Variants in CSMD2 observed in about 807,000 individuals in gnomAD.
CSMD2 encodes CUB and Sushi multiple domains 2.
A neutral mutation model predicts 398.5 loss-of-function variants in CSMD2; 130 were observed. That is an observed-to-expected ratio of 0.33 (90% CI 0.28 to 0.38). CSMD2 has a LOEUF of 0.38. Ranked by LOEUF, CSMD2 falls within the 10% of genes least tolerant of loss-of-function variation. CSMD2 has a pLI of 1.00. For synonymous variants in CSMD2, 1,828 were observed against 1,908.5 expected, an observed-to-expected ratio of 0.96 and a Z score of 1.10; for missense variants, 3,829 against 4,764.9, an observed-to-expected ratio of 0.80 and a Z score of 5.78.
chr1:33,562,035 A>G (rs1173467400), intron 53 of CSMD2, among the ~76,000 whole-genome samples: 1 of 152,206 alleles, frequency 6.6e-6, no homozygotes, highest in African/African-American at 2.4e-5. Flanking sequence ...ACCTATAGGA[A>G]ACTGAGGAGT....
intron 3 of CSMD2, among the ~76,000 whole-genome samples, chr1:33,958,469 T>C (rs764942393): frequency 6.6e-6 from 1 of 152,130 alleles, no homozygotes; most frequent in African/African-American, 2.4e-5. Flanking sequence ...GGTAAAGTTA[T>C]ATGGCAGAGG....
chr1:33,692,381 A>G (rs1371762309), intron 25 of CSMD2, among the ~76,000 whole-genome samples: 1 of 152,220 alleles, frequency 6.6e-6, no homozygotes, highest in East Asian at 1.9e-4. Flanking sequence ...CATTTTAAAG[A>G]TGAGGAAACA....
chr1:33,600,235 C>A (rs1309240565), intron 44 of CSMD2: 2 of 708,156 alleles, frequency 2.8e-6, no homozygotes, highest in Non-Finnish European at 5.2e-6. Context: ...AAAATATCTG[C>A]AGTGATCTGT....
At position 33,919,125 on chromosome 1, in the gene CSMD2, C is replaced by T. The variant is rs147125188; in HGVS notation, c.713-824G>A. ...CAGTCCAGGTGAGGCTGGATGAGAT[C>T]GAGCTAAGGTCGTGTGGAGGGTGGG... On this transcript the variant is annotated intron_variant, in intron 4 of 70. Transcript: ENST00000373381. 1.3e-4 allele frequency among the ~76,000 whole-genome samples: 20 copies of T among 152,270 alleles called. No homozygotes were observed. The East Asian group carries it at 2.1e-3, about 16-fold the overall frequency.
intron 3 of CSMD2, among the ~76,000 whole-genome samples, chr1:33,979,695 T>G (rs1389974399): frequency 7.2e-6 from 1 of 138,748 alleles, no homozygotes; most frequent in African/African-American, 2.5e-5. Context: ...TGTGTGTGTT[T>G]TATGTGTGTG....
chr1:34,113,627 G>A (rs1018615019), intron 1 of CSMD2, among the ~76,000 whole-genome samples: 1 of 152,168 alleles, frequency 6.6e-6, no homozygotes, highest in Non-Finnish European at 1.5e-5. Flanking sequence ...GGTGCCAGGG[G>A]CTTGGGAGTG....
At chr1:33,807,036 C>G (rs1337064809) in intron 10 of CSMD2, among the ~76,000 whole-genome samples, 1 of 152,152 alleles carries the variant, frequency 6.6e-6, no homozygotes, top group African/African-American at 2.4e-5. Flanking sequence ...AAAAAATATT[C>G]ACACCTAGAC....
intron 1 of CSMD2, among the ~76,000 whole-genome samples, chr1:34,101,172 T>C (rs969297967): frequency 1.3e-5 from 2 of 152,252 alleles, no homozygotes; most frequent in African/African-American, 4.8e-5. Context: ...ACTGATGTTC[T>C]GCCCTGTAGA....
Position 33,527,236 on chromosome 1 carries a change from G to A in CSMD2, c.10194C>T (p.Pro3398=). ...ICLEVRPSGR[P]INTAREPPLT... is the part of the protein sequence containing the mutation. ...GCGGTGGCTCCCGGGCAGTGTTGAT[G>A]GGTCTCCCACTGGGCCGGACCTCTG... The change falls in exon 65 of 71, where the codon CCC becomes CCT. Residue 3398 remains proline (P), a synonymous_variant. Coordinates refer to ENST00000373381, the MANE Select transcript of CSMD2 (RefSeq NM_001281956.2). The A allele has an allele frequency of 6.2e-7, 1 of 1,614,022 alleles. No individual in the cohort carries two copies. Among genetic ancestry groups the A allele is most frequent in the Non-Finnish European group, 8.5e-7 (1 of 1,179,934 alleles).
chr1:33,578,818 C>T (rs914985292), intron 48 of CSMD2, among the ~76,000 whole-genome samples: 10 of 152,238 alleles, frequency 6.6e-5, no homozygotes, highest in East Asian at 3.9e-4. Context: ...GTGAGGTCCC[C>T]GGCCTCTTTC....
At chr1:33,708,100 A>T (rs977462596) in intron 22 of CSMD2, among the ~76,000 whole-genome samples, 3 of 152,216 alleles carry the variant, frequency 2.0e-5, no homozygotes, top group Non-Finnish European at 2.9e-5. Flanking sequence ...ACCACACATT[A>T]TTGGAGGTAC....
At chr1:33,905,655 C>T (rs7513279) in intron 5 of CSMD2, among the ~76,000 whole-genome samples, 122,802 of 152,128 alleles carry the variant, frequency 0.81, 50,419 homozygotes, top group African/African-American at 0.95. Context: ...TTTTAGGTGG[C>T]AGATATTGGA....
intron 3 of CSMD2, among the ~76,000 whole-genome samples, chr1:34,014,467 T>C (rs1243787532): frequency 1.3e-5 from 2 of 152,266 alleles, no homozygotes; most frequent in African/African-American, 4.8e-5. Flanking sequence ...GTTCTCCAGA[T>C]ATGCCAGGGG....
At chr1:33,819,956 T>C (rs1007606709) in intron 8 of CSMD2, 119 bp from the exon 9 acceptor site, 3 of 1,266,602 alleles carry the variant, frequency 2.4e-6, no homozygotes, top group Non-Finnish European at 3.3e-6. Context: ...CCTTAATCTC[T>C]GCTCCACTGT....
intron 3 of CSMD2, among the ~76,000 whole-genome samples, chr1:34,004,480 T>G (rs1646999631): frequency 6.6e-6 from 1 of 152,192 alleles, no homozygotes; most frequent in African/African-American, 2.4e-5. Context: ...TGTTTGTTTT[T>G]GTTTTTTGCC....
At chr1:33,737,820 T>C (rs1364798966) in intron 15 of CSMD2, among the ~76,000 whole-genome samples, 1 of 152,232 alleles carries the variant, frequency 6.6e-6, no homozygotes, top group Non-Finnish European at 1.5e-5. Flanking sequence ...GAAGATTCCC[T>C]AACCTCATGG....
At chr1:33,899,075 G>A (rs900570925) in intron 5 of CSMD2, among the ~76,000 whole-genome samples, 6 of 152,224 alleles carry the variant, frequency 3.9e-5, no homozygotes, top group African/African-American at 1.4e-4. Context: ...CCACAGACCA[G>A]CAACGAGAAG....
chr1:34,133,483 T>C (rs111228094), intron 1 of CSMD2, among the ~76,000 whole-genome samples: 4,531 of 151,688 alleles, frequency 0.03, 202 homozygotes, highest in African/African-American at 0.1. Context: ...ATACAAAAAT[T>C]AGCCAGGCGT....
chr1:33,827,512 A>C, intron 6 of CSMD2, among the ~76,000 whole-genome samples: 1 of 151,596 alleles, frequency 6.6e-6, no homozygotes, highest in African/African-American at 2.4e-5. Context: ...TTCCCTGACC[A>C]CTCCATTAAA....
Sources: allele counts gnomAD v4.1 joint callset (sites outside exome capture counted in the v4.1 genomes callset), GRCh38; gene constraint gnomAD v4.1.1; transcripts MANE v1.5; gene names NCBI Gene and HGNC (gene_info 2026-07-23, HGNC 2026-07-21).